The following MBNL2 variants were observed in gnomAD, a reference collection of about 807,000 sequenced individuals.
MBNL2 encodes the protein muscleblind-like protein 2.
In MBNL2, 17 loss-of-function variants were observed where a neutral mutation model predicts 41.9. That is an observed-to-expected ratio of 0.41 (90% confidence interval 0.28 to 0.61). The LOEUF is 0.61. MBNL2 is among the 20% of genes least tolerant of loss of function. The pLI is 0.35. For synonymous variants in MBNL2, 195 were observed against 182.9 expected (o/e 1.07, Z -0.53); for missense variants, 336 against 505.6 (o/e 0.66, Z 3.22).
intron 1 of MBNL2, among the ~76,000 whole-genome samples, chr13:97,231,844 G>A (rs1431831451): frequency 1.4e-5 from 2 of 148,076 alleles, no homozygotes; most frequent in African/African-American, 2.5e-5. Flanking sequence ...ATTATAAACC[G>A]GCCTTAGATT....
chr13:97,338,004 A>G (rs561519147), intron 3 of MBNL2, among the ~76,000 whole-genome samples: 2 of 152,270 alleles, frequency 1.3e-5, no homozygotes, highest in East Asian at 1.9e-4. Context: ...TTCCTAATCT[A>G]TCAATATCCA....
the MBNL2 span, among the ~76,000 whole-genome samples, chr13:97,186,606 A>G: frequency 6.6e-6 from 1 of 152,162 alleles, no homozygotes; most frequent in Non-Finnish European, 1.5e-5. Flanking sequence ...CAGAATGACT[A>G]TCTAACCATA....
intron 5 of MBNL2, among the ~76,000 whole-genome samples, chr13:97,347,781 C>G (rs1477945471): frequency 6.6e-6 from 1 of 152,174 alleles, no homozygotes; most frequent in Non-Finnish European, 1.5e-5. Context: ...TCTCGGAGAG[C>G]CTAACTGTCC....
chr13:97,193,157 G>T, the MBNL2 span, among the ~76,000 whole-genome samples: 2 of 152,236 alleles, frequency 1.3e-5, no homozygotes, highest in African/African-American at 4.8e-5. Context: ...TCAGGAGGAA[G>T]TCAGAAGTGA....
At chr13:97,282,355 A>C (rs1293729315) in intron 2 of MBNL2, among the ~76,000 whole-genome samples, 1 of 152,162 alleles carries the variant, frequency 6.6e-6, no homozygotes, top group Non-Finnish European at 1.5e-5. Flanking sequence ...ACTTCATCTC[A>C]AGAAAAAAAT....
At chr13:97,166,273 T>C in the MBNL2 span, among the ~76,000 whole-genome samples, 2 of 152,358 alleles carry the variant, frequency 1.3e-5, no homozygotes, top group Non-Finnish European at 2.9e-5. Flanking sequence ...AAAACAATCC[T>C]TGTGGTCTGT....
chr13:97,209,164 A>T, the MBNL2 span, among the ~76,000 whole-genome samples: 4 of 152,238 alleles, frequency 2.6e-5, no homozygotes, highest in South Asian at 8.3e-4. Context: ...TATTGCAGGA[A>T]GTTCTCTGTT....
rs570278356 is a variant in MBNL2, at chr13:97,319,102, A to G, written c.175-15174A>G. 3.3e-5 allele frequency among the ~76,000 whole-genome samples: 5 copies of G among 152,304 alleles called. No homozygotes were observed. The South Asian group carries it at 1.0e-3, about 32-fold the overall frequency. On this transcript the variant is annotated intron_variant, in intron 2 of 8. Transcript: ENST00000679496. ...TACAGGCAGGGTTTTCTGGAGGCAA[A>G]GGCAAAAGGCAGAGCTTCACTCTGG...
the MBNL2 span, among the ~76,000 whole-genome samples, chr13:97,204,506 C>T: frequency 4.7e-4 from 71 of 152,266 alleles, 3 homozygotes; most frequent in South Asian, 0.015. Context: ...ATATCAGGAA[C>T]TCCTAGCTTT....
At chr13:97,283,197 C>T (rs1341946275) in intron 2 of MBNL2, among the ~76,000 whole-genome samples, 1 of 152,140 alleles carries the variant, frequency 6.6e-6, no homozygotes, top group African/African-American at 2.4e-5. Flanking sequence ...GGATGCTCTC[C>T]AAGACTTAGG....
intron 2 of MBNL2, among the ~76,000 whole-genome samples, chr13:97,289,735 G>T (rs1034200767): frequency 4.6e-5 from 7 of 152,156 alleles, no homozygotes; most frequent in African/African-American, 1.7e-4. Context: ...AGCCCAATGG[G>T]GTAATCAACA....
At chr13:97,205,192 A>G in the MBNL2 span, among the ~76,000 whole-genome samples, 1 of 145,250 alleles carries the variant, frequency 6.9e-6, no homozygotes, top group Non-Finnish European at 1.5e-5. Context: ...TTATATATAT[A>G]TAAATATATA....
rs866955307 is a variant in MBNL2, at chr13:97,315,386, C to G, written c.175-18890C>G. Among the ~76,000 whole-genome samples, 17 of 152,190 alleles carry G rather than the reference C, an allele frequency of 1.1e-4. 1 individual carries two copies. Among genetic ancestry groups the G allele is most frequent in the South Asian group, 2.1e-4 (1 of 4,828 alleles). The stretch of plus-strand genomic sequence containing the variant: ...CTTGCTCTCTTCCAGGCACCGGGCT[C>G]TACATTACTGGCTATTCCCAATGGC... On this transcript the variant is annotated intron_variant, in intron 2 of 8. Coordinates refer to ENST00000679496, the MANE Select transcript of MBNL2 (RefSeq NM_001382683.1).
chr13:97,353,452 G>A (rs142680973), intron 5 of MBNL2, among the ~76,000 whole-genome samples: 5 of 152,302 alleles, frequency 3.3e-5, no homozygotes, highest in Non-Finnish European at 7.4e-5. Flanking sequence ...AATAGAGTTA[G>A]AAGATATTAA....
chr13:97,372,205 T>C (rs1201227647), intron 8 of MBNL2, among the ~76,000 whole-genome samples: 2 of 152,188 alleles, frequency 1.3e-5, no homozygotes, highest in South Asian at 2.1e-4. Context: ...AGAAGTGCCT[T>C]AGAAGCTAAC....
the MBNL2 span, among the ~76,000 whole-genome samples, chr13:97,162,582 G>T: frequency 4.0e-4 from 61 of 152,272 alleles, no homozygotes; most frequent in African/African-American, 1.4e-3. Flanking sequence ...CGAAGAGCAG[G>T]TTCTAAAGCC....
chr13:97,313,166 A>G (rs1439076227), intron 2 of MBNL2, among the ~76,000 whole-genome samples: 1 of 152,184 alleles, frequency 6.6e-6, no homozygotes, highest in East Asian at 1.9e-4. Flanking sequence ...GGAGGCTCCT[A>G]GTGGTGCTCC....
At chr13:97,187,774 G>A in the MBNL2 span, among the ~76,000 whole-genome samples, 1 of 151,840 alleles carries the variant, frequency 6.6e-6, no homozygotes, top group Non-Finnish European at 1.5e-5. Context: ...GGGAGAGGTG[G>A]CGGGCGCCTG....
chr13:97,272,940 A>G (rs2051375962), intron 1 of MBNL2, among the ~76,000 whole-genome samples: 5 of 152,194 alleles, frequency 3.3e-5, no homozygotes, highest in Admixed American at 3.3e-4. Context: ...GGGGGAAAAA[A>G]TATATATTTC....
Sources: gnomAD v4.1 joint callset for allele counts (sites outside exome capture counted in the v4.1 genomes callset) on GRCh38, gnomAD v4.1.1 for gene constraint, MANE v1.5 for transcripts, NCBI Gene and HGNC (gene_info 2026-07-23, HGNC 2026-07-21) for gene names.